Variants in SNX9 observed in about 807,000 individuals in gnomAD.
SNX9 encodes sorting nexin 9.
SNX9 carries 44 observed loss-of-function variants against 89.4 expected under a neutral mutation model. The ratio of observed to expected loss-of-function variants is 0.49; its 90% CI spans 0.39 to 0.63. The LOEUF is 0.63. Among genes scored for constraint, SNX9 ranks in the 30% least tolerant of loss-of-function variants. The pLI is 0.00. For synonymous variants in SNX9, 236 were observed against 247.8 expected (o/e 0.95, Z 0.45); for missense variants, 578 against 736.1 (o/e 0.79, Z 2.49).
intron 1 of SNX9, among the ~76,000 whole-genome samples, chr6:157,866,275 C>T (rs1782259004): frequency 6.6e-6 from 1 of 152,128 alleles, no homozygotes; most frequent in Admixed American, 6.5e-5. Context: ...CCTAGTCTGT[C>T]TTATATGAAA....
At chr6:157,895,582 A>G (rs755345469) in intron 4 of SNX9, among the ~76,000 whole-genome samples, 2 of 152,186 alleles carry the variant, frequency 1.3e-5, no homozygotes, top group Non-Finnish European at 2.9e-5. Context: ...TATTGTGTCC[A>G]TATGTGCTGA....
At chr6:157,905,938 CA>C (rs1470184080) in intron 6 of SNX9, among the ~76,000 whole-genome samples, 189 bp from the exon 7 acceptor site, 1 of 152,216 alleles carries the variant, frequency 6.6e-6, no homozygotes, top group African/African-American at 2.4e-5. Flanking sequence ...TTTACCAGAT[CA>C]AGCTTAATTA....
At position 157,870,723 on chromosome 6, in the gene SNX9, C is replaced by G. The variant is rs764479725; in HGVS notation, c.100-2379C>G. 1.3e-3 allele frequency among the ~76,000 whole-genome samples: 192 copies of G among 151,254 alleles called. 1 individual carries two copies. The highest frequency in any genetic ancestry group is 2.4e-3 in the Non-Finnish European group (161 of 67,812). ...TCTCACCTGCTCTCATACATACATGCACTCACCTGTGCAAGCATGCACACC... is the reference window on the plus strand; with the variant it reads ...TCTCACCTGCTCTCATACATACATGGACTCACCTGTGCAAGCATGCACACC... On this transcript the variant is annotated intron_variant, in intron 2 of 17. Coordinates refer to ENST00000392185, the MANE Select transcript of SNX9 (RefSeq NM_016224.5).
chr6:157,882,480 T>C (rs1370826118), intron 4 of SNX9, among the ~76,000 whole-genome samples: 1 of 152,230 alleles, frequency 6.6e-6, no homozygotes, highest in Non-Finnish European at 1.5e-5. Context: ...TTCGCAAGGC[T>C]ATGGCTGCCA....
intron 1 of SNX9, among the ~76,000 whole-genome samples, chr6:157,825,165 T>C (rs1781318101): frequency 6.6e-6 from 1 of 152,150 alleles, no homozygotes; most frequent in Admixed American, 6.5e-5. Context: ...GGAGAATCGC[T>C]TGAACCCGGG....
At chr6:157,875,029 T>G (rs1468772146) in intron 3 of SNX9, 22 bp from the exon 4 acceptor site, 1 of 1,612,240 alleles carries the variant, frequency 6.2e-7, no homozygotes, top group Admixed American at 1.7e-5. Flanking sequence ...TGAAAATAAT[T>G]GCGGCTCTTT....
At chr6:157,939,782 T>TA (rs746037284) in intron 16 of SNX9, among the ~76,000 whole-genome samples, 5 of 152,164 alleles carry the variant, frequency 3.3e-5, no homozygotes, top group Non-Finnish European at 5.9e-5. Context: ...AATTGAGAAA[T>TA]ACAAAGCTTT....
chr6:157,905,887 G>C (rs1327088396), intron 6 of SNX9, among the ~76,000 whole-genome samples: 1 of 152,168 alleles, frequency 6.6e-6, no homozygotes, highest in Non-Finnish European at 1.5e-5. Flanking sequence ...AGCAAATAGA[G>C]TGCCCGTAAA....
At chr6:157,907,682 C>A (rs1284508656) in intron 7 of SNX9, among the ~76,000 whole-genome samples, 5 of 152,348 alleles carry the variant, frequency 3.3e-5, no homozygotes, top group African/African-American at 1.2e-4. Context: ...TTAAGTAGAA[C>A]TGCACCCATG....
chr6:157,885,727 T>A (rs1782721811), intron 4 of SNX9, among the ~76,000 whole-genome samples: 1 of 152,120 alleles, frequency 6.6e-6, no homozygotes, highest in South Asian at 2.1e-4. Context: ...CCTGAATGCC[T>A]ACAGGGCCCC....
intron 1 of SNX9, among the ~76,000 whole-genome samples, chr6:157,866,045 C>G (rs925962704): frequency 1.4e-5 from 2 of 141,628 alleles, no homozygotes; most frequent in African/African-American, 4.9e-5. Flanking sequence ...AAGACAATCA[C>G]TTAGAATTTG....
chr6:157,861,163 A>C (rs1782111763), intron 1 of SNX9, among the ~76,000 whole-genome samples: 1 of 152,226 alleles, frequency 6.6e-6, no homozygotes, highest in Non-Finnish European at 1.5e-5. Context: ...TTCTTTTTAG[A>C]AATTTCTTCT....
intron 4 of SNX9, among the ~76,000 whole-genome samples, chr6:157,893,104 G>A (rs1435857444): frequency 4.6e-5 from 7 of 152,208 alleles, no homozygotes; most frequent in South Asian, 2.1e-4. Flanking sequence ...TGGAGGACAC[G>A]GAATATATTG....
intron 1 of SNX9, among the ~76,000 whole-genome samples, chr6:157,834,714 G>A (rs1367026949): frequency 5.3e-5 from 8 of 152,018 alleles, no homozygotes; most frequent in South Asian, 4.1e-4. Flanking sequence ...ATCTGAGCAC[G>A]TGGGTTCTAT....
chr6:157,934,014 C>T (rs541206437), intron 13 of SNX9, among the ~76,000 whole-genome samples: 1 of 152,330 alleles, frequency 6.6e-6, no homozygotes, highest in South Asian at 2.1e-4. Flanking sequence ...TTACAAAGGA[C>T]AGTGAAGGTC....
chr6:157,843,197 T>C (rs1562591696), intron 1 of SNX9, among the ~76,000 whole-genome samples: 1 of 152,054 alleles, frequency 6.6e-6, no homozygotes, highest in Non-Finnish European at 1.5e-5. Flanking sequence ...AGGACAAGGG[T>C]TGAAGAATTG....
chr6:157,907,115 T>A (rs1419247559), intron 7 of SNX9, among the ~76,000 whole-genome samples: 3 of 152,214 alleles, frequency 2.0e-5, no homozygotes, highest in African/African-American at 7.2e-5. Flanking sequence ...GCTTTTTCCC[T>A]CAAAGCAAAT....
chr6:157,903,812 AGCAAGGAGGTTG>A (rs1783156606), intron 6 of SNX9, among the ~76,000 whole-genome samples: 1 of 152,206 alleles, frequency 6.6e-6, no homozygotes, highest in Admixed American at 6.5e-5. Flanking sequence ...TCATCTCGAA[AGCAAGGAGGTTG>A]GCTTTAAGAA....
chr6:157,850,517 C>A (rs565150781), intron 1 of SNX9, among the ~76,000 whole-genome samples: 1 of 152,126 alleles, frequency 6.6e-6, no homozygotes, highest in Admixed American at 6.5e-5. Flanking sequence ...ACCAACAGTC[C>A]CAGTGCAACT....
Sources: gnomAD v4.1 joint callset for allele counts (sites outside exome capture counted in the v4.1 genomes callset) on GRCh38, gnomAD v4.1.1 for gene constraint, MANE v1.5 for transcripts, NCBI Gene and HGNC (gene_info 2026-07-23, HGNC 2026-07-21) for gene names.